Variants in SEPTIN2 observed in about 807,000 individuals in gnomAD.
The protein encoded by SEPTIN2 is septin 2, also known as septin-2.
Under a neutral mutation model 46.5 loss-of-function variants are expected in SEPTIN2, and 34 were observed. That is an observed-to-expected ratio of 0.73 (90% CI 0.56 to 0.97). SEPTIN2 has a LOEUF of 0.97. Among genes scored for constraint, SEPTIN2 ranks in the 50% least tolerant of loss-of-function variants. SEPTIN2 has a pLI of 0.00. For synonymous variants in SEPTIN2, 175 were observed against 153.4 expected (o/e 1.14, Z -1.04); for missense variants, 347 against 448.4 (o/e 0.77, Z 2.04).
intron 7 of SEPTIN2, among the ~76,000 whole-genome samples, chr2:241,338,840 TAAATATATA>T (rs2080715041): frequency 1.0e-5 from 1 of 98,608 alleles, no homozygotes; most frequent in African/African-American, 4.8e-5. Context: ...ATATATATAA[TAAATATATA>T]ATATATATAA....
chr2:241,347,885 C>T (rs192960481), intron 10 of SEPTIN2, among the ~76,000 whole-genome samples: 30 of 152,148 alleles, frequency 2.0e-4, no homozygotes, highest in Admixed American at 1.7e-3. Flanking sequence ...CGTGGTAGCA[C>T]GTGCCTGTAA....
intron 10 of SEPTIN2, 58 bp downstream of exon 10, chr2:241,346,307 C>G: frequency 7.4e-7 from 1 of 1,351,332 alleles, no homozygotes; most frequent in South Asian, 1.2e-5. Flanking sequence ...AATGTTCCTC[C>G]TCCTCTATGT....
At chr2:241,319,740 C>T (rs1044165070) in intron 1 of SEPTIN2, among the ~76,000 whole-genome samples, 2 of 152,068 alleles carry the variant, frequency 1.3e-5, no homozygotes, top group Non-Finnish European at 2.9e-5. Context: ...TACGGGTGCC[C>T]GCCACCACAC....
chr2:241,329,951 A>G (rs1459332437), intron 3 of SEPTIN2, among the ~76,000 whole-genome samples: 2 of 152,250 alleles, frequency 1.3e-5, no homozygotes, highest in Non-Finnish European at 2.9e-5. Context: ...AGCTAAGAAC[A>G]TAAAGTACTT....
chr2:241,350,847 C>A (rs565533882), intron 12 of SEPTIN2, among the ~76,000 whole-genome samples: 2 of 152,134 alleles, frequency 1.3e-5, no homozygotes, highest in Admixed American at 6.5e-5. Flanking sequence ...TCTTATGTAT[C>A]TTATGGACAG....
intron 10 of SEPTIN2, 62 bp downstream of exon 10, chr2:241,346,311 T>TC: frequency 7.6e-7 from 1 of 1,310,002 alleles, no homozygotes; most frequent in Non-Finnish European, 1.1e-6. Flanking sequence ...TTCCTCCTCC[T>TC]CTATGTGTTC....
In SEPTIN2 at chr2:241,343,848, G is replaced by C; in HGVS notation, c.793G>C (p.Val265Leu). 1 of 1,614,226 alleles carries C rather than the reference G, an allele frequency of 6.2e-7. No individual in the cohort carries two copies. The highest frequency in any genetic ancestry group is 8.5e-7 in the Non-Finnish European group (1 of 1,180,034). ...GRLYPWGVVE[V>L]ENPEHNDFLK... ...CCTCTACCCCTGGGGTGTTGTGGAA[G>C]TGGAGAACCCAGAGCACAATGACTT... Residue 265 changes from valine (V) to leucine (L), a missense_variant, in exon 9 of 13, where the codon GTG (valine) becomes CTG (leucine). By Grantham distance (32) the Val-to-Leu change is conservative. Transcript: ENST00000391971.
At chr2:241,338,999 TATAA>T (rs1403147196) in intron 7 of SEPTIN2, among the ~76,000 whole-genome samples, 1 of 115,952 alleles carries the variant, frequency 8.6e-6, no homozygotes, top group Non-Finnish European at 1.7e-5. Context: ...TATAAATATA[TATAA>T]ATATTATATT....
At chr2:241,332,537 T>A (rs779564047) in intron 3 of SEPTIN2, among the ~76,000 whole-genome samples, 16 of 152,218 alleles carry the variant, frequency 1.1e-4, no homozygotes, top group Non-Finnish European at 1.8e-4. Context: ...ACTGGAACTC[T>A]TACTAGTGAG....
intron 3 of SEPTIN2, among the ~76,000 whole-genome samples, chr2:241,327,697 A>G (rs764869633): frequency 2.6e-5 from 4 of 151,888 alleles, no homozygotes; most frequent in Non-Finnish European, 4.4e-5. Flanking sequence ...TAATAGAGAA[A>G]AGCACACCAA....
intron 3 of SEPTIN2, among the ~76,000 whole-genome samples, chr2:241,328,580 A>G (rs2078408943): frequency 6.6e-6 from 1 of 151,250 alleles, no homozygotes; most frequent in East Asian, 1.9e-4. Flanking sequence ...TTACTAAAAA[A>G]AAAAATACTA....
At chr2:241,346,083 C>G (rs1470912555) in intron 9 of SEPTIN2, 83 bp from the exon 10 acceptor site, 2 of 901,670 alleles carry the variant, frequency 2.2e-6, no homozygotes, top group African/African-American at 1.7e-5. Flanking sequence ...GCTATTTCTT[C>G]TATGTACTTG....
At chr2:241,335,243 A>G (rs746240854) in intron 4 of SEPTIN2, 31 bp downstream of exon 4, 2 of 1,605,594 alleles carry the variant, frequency 1.2e-6, no homozygotes, top group Non-Finnish European at 1.7e-6. Flanking sequence ...CTGTAAGTGT[A>G]ATTCTACATG....
intron 8 of SEPTIN2, 80 bp from the exon 9 acceptor site, chr2:241,343,672 C>A (rs2081571961): frequency 2.6e-6 from 4 of 1,517,894 alleles, no homozygotes; most frequent in South Asian, 2.3e-5. Context: ...TGTGTTAAGT[C>A]TGTGCTAATG....
At chr2:241,330,410 G>A (rs1164762905) in intron 3 of SEPTIN2, among the ~76,000 whole-genome samples, 1 of 152,220 alleles carries the variant, frequency 6.6e-6, no homozygotes. Context: ...TTGTGCAAGT[G>A]GACATCAGGA....
intron 9 of SEPTIN2, among the ~76,000 whole-genome samples, chr2:241,345,453 C>T (rs2081887305): frequency 6.6e-6 from 1 of 152,126 alleles, no homozygotes; most frequent in Admixed American, 6.5e-5. Context: ...ACTTTAGTGT[C>T]AGTTGTGTGT....
In SEPTIN2 at chr2:241,350,110, CGCAGAT is replaced by C. The variant is rs772812693; in HGVS notation, c.1039_1044del (p.Met347_Gln348del). 154 of 1,613,926 alleles carry C rather than the reference CGCAGAT, an allele frequency of 9.5e-5. 1 individual carries two copies. Among genetic ancestry groups the C allele is most frequent in the Non-Finnish European group, 1.1e-4 (134 of 1,179,966 alleles). Reference sequence around the variant, plus strand: ...CAAGAGATGATTGCAAGGATGCAGGCGCAGATGCAGATGCAGATGCAGGGCGGGGAT... The same window carrying C: ...CAAGAGATGATTGCAAGGATGCAGGCGCAGATGCAGATGCAGGGCGGGGAT... On this transcript the variant is annotated inframe_deletion, in exon 12 of 13. Coordinates refer to ENST00000391971, the MANE Select transcript of SEPTIN2 (RefSeq NM_004404.5).
At chr2:241,326,328 T>G (rs1362633892) in intron 3 of SEPTIN2, among the ~76,000 whole-genome samples, 6 of 152,252 alleles carry the variant, frequency 3.9e-5, no homozygotes, top group Non-Finnish European at 7.3e-5. Flanking sequence ...AGTGAAAGTT[T>G]ACTCATTGTG....
chr2:241,326,421 G>A (rs890490856), intron 3 of SEPTIN2, among the ~76,000 whole-genome samples: 41 of 152,038 alleles, frequency 2.7e-4, no homozygotes, highest in African/African-American at 9.2e-4. Flanking sequence ...ATTGAATAGG[G>A]TTTTACCTGT....
Sources: gnomAD v4.1 joint callset for allele counts (sites outside exome capture counted in the v4.1 genomes callset) on GRCh38, gnomAD v4.1.1 for gene constraint, MANE v1.5 for transcripts, NCBI Gene and HGNC (gene_info 2026-07-23, HGNC 2026-07-21) for gene names.